Variants in NDC1 observed in about 807,000 individuals in gnomAD.
NDC1 encodes the protein NDC1 transmembrane nucleoporin, also known as nucleoporin NDC1.
A neutral mutation model predicts 89.8 loss-of-function variants in NDC1; 24 were observed. The observed-to-expected ratio is 0.27, with a 90% CI of 0.19 to 0.38. The LOEUF (loss-of-function observed/expected upper bound fraction) is 0.38. NDC1 is among the 10% of genes least tolerant of loss of function. NDC1 has a pLI of 1.00. For synonymous variants in NDC1, 296 were observed against 284.8 expected, an observed-to-expected ratio of 1.04 and a Z score of -0.39; for missense variants, 728 against 797.6, an observed-to-expected ratio of 0.91 and a Z score of 1.05.
At chr1:53,817,701 A>G (rs1343372281) in intron 6 of NDC1, among the ~76,000 whole-genome samples, 2 of 152,206 alleles carry the variant, frequency 1.3e-5, no homozygotes, top group Non-Finnish European at 2.9e-5. Flanking sequence ...TGACAATCAT[A>G]AGAGCTATGT....
chr1:53,803,451 G>A (rs1647990509), intron 10 of NDC1, among the ~76,000 whole-genome samples: 1 of 152,110 alleles, frequency 6.6e-6, no homozygotes, highest in South Asian at 2.1e-4. Flanking sequence ...GGAAATGAAG[G>A]AGCTGAAGGT....
At chr1:53,790,368 AAAAAAAAACCCC>A (rs1192361541) in intron 14 of NDC1, among the ~76,000 whole-genome samples, 1 of 147,900 alleles carries the variant, frequency 6.8e-6, no homozygotes, top group Non-Finnish European at 1.5e-5. Flanking sequence ...TCTGTCTCAA[AAAAAAAAACCCC>A]AAAAAACCAA....
chr1:53,769,832 G>T (rs186829747), intron 17 of NDC1, among the ~76,000 whole-genome samples: 5 of 152,304 alleles, frequency 3.3e-5, no homozygotes, highest in Non-Finnish European at 4.4e-5. Flanking sequence ...GAAAGATTCA[G>T]AAGTTAGGGG....
chr1:53,789,787 G>A (rs1202277214), intron 14 of NDC1, among the ~76,000 whole-genome samples: 17 of 139,764 alleles, frequency 1.2e-4, no homozygotes, highest in Non-Finnish European at 1.8e-4. Flanking sequence ...CAACAAGAGT[G>A]AAACTCCATC....
At chr1:53,785,276 A>G (rs1294384282) in intron 16 of NDC1, among the ~76,000 whole-genome samples, 1 of 152,254 alleles carries the variant, frequency 6.6e-6, no homozygotes, top group South Asian at 2.1e-4. Context: ...AAATAATGTT[A>G]TGACCATCAA....
chr1:53,768,729 G>A (rs75129265), intron 17 of NDC1, among the ~76,000 whole-genome samples: 1 of 152,020 alleles, frequency 6.6e-6, no homozygotes, highest in Non-Finnish European at 1.5e-5. Flanking sequence ...GTGCCAAAAC[G>A]GTCTTATTTT....
intron 15 of NDC1, among the ~76,000 whole-genome samples, chr1:53,788,420 T>C (rs7544308): frequency 0.044 from 6,720 of 151,390 alleles, 421 homozygotes; most frequent in African/African-American, 0.14. Flanking sequence ...ACCTCGTCCC[T>C]ACAAAAAAAA....
intron 2 of NDC1, among the ~76,000 whole-genome samples, chr1:53,832,805 G>A (rs1649108726): frequency 6.6e-6 from 1 of 152,082 alleles, no homozygotes; most frequent in Admixed American, 6.6e-5. Flanking sequence ...ACTAAGCCAG[G>A]GAGCTCAAGA....
chr1:53,771,672 C>T (rs978631033), intron 17 of NDC1, among the ~76,000 whole-genome samples: 6 of 152,136 alleles, frequency 3.9e-5, no homozygotes, highest in African/African-American at 9.7e-5. Flanking sequence ...TGATTGCATA[C>T]AAAAACAGCA....
chr1:53,785,366 CTATT>C (rs1647277916), intron 16 of NDC1, among the ~76,000 whole-genome samples: 1 of 152,100 alleles, frequency 6.6e-6, no homozygotes. Flanking sequence ...TGCTAGGAAA[CTATT>C]TATTTACAGA....
chr1:53,825,862 C>T lies in NDC1; in HGVS notation c.530G>A (p.Gly177Asp). 5.0e-6 allele frequency: 8 copies of T among 1,611,416 alleles called. No homozygotes were observed. The highest frequency in any genetic ancestry group is 6.8e-6 in the Non-Finnish European group (8 of 1,178,934). ...LFFLLTGAFMGYSYSLLYFVN... is the reference protein window; with the variant it reads ...LFFLLTGAFMDYSYSLLYFVN... The stretch of plus-strand genomic sequence containing the variant: ...AAAATACAGGAGGCTATAGCTATAG[C>T]CCATAAATGCTCCAGTCAGTAGGAA... The change falls in exon 5 of 18, where the codon GGC becomes GAC. Residue 177 changes from glycine to aspartate, a missense_variant. Physicochemically the swap from Gly to Asp is moderately conservative, Grantham distance 94 (BLOSUM62 -1). Coordinates refer to ENST00000371429, the MANE Select transcript of NDC1 (RefSeq NM_018087.5).
chr1:53,785,621 G>A (rs1315146820), intron 16 of NDC1, among the ~76,000 whole-genome samples: 1 of 152,090 alleles, frequency 6.6e-6, no homozygotes, highest in African/African-American at 2.4e-5. Flanking sequence ...CACCCAGGCT[G>A]GAGTGCAATG....
intron 13 of NDC1, among the ~76,000 whole-genome samples, chr1:53,794,767 C>T (rs1472787066): frequency 6.6e-6 from 1 of 151,980 alleles, no homozygotes; most frequent in Non-Finnish European, 1.5e-5. Flanking sequence ...CCCAGCTACT[C>T]AGGAGGCTGA....
intron 1 of NDC1, among the ~76,000 whole-genome samples, chr1:53,836,596 A>G (rs1247301613): frequency 6.6e-6 from 1 of 151,998 alleles, no homozygotes; most frequent in Admixed American, 6.6e-5. Context: ...CCCGGGTTCA[A>G]GTGATTCTCC....
intron 16 of NDC1, among the ~76,000 whole-genome samples, chr1:53,786,255 C>T (rs935855264): frequency 6.6e-6 from 1 of 152,038 alleles, no homozygotes; most frequent in Admixed American, 6.6e-5. Context: ...TGCCTCCAGC[C>T]CTTAGTGTTT....
chr1:53,809,661 A>T, intron 7 of NDC1, 34 bp downstream of exon 7: 1 of 1,406,132 alleles, frequency 7.1e-7, no homozygotes, highest in Non-Finnish European at 9.7e-7. Context: ...GAATGGAAAC[A>T]GAGTTAAAAT....
intron 1 of NDC1, among the ~76,000 whole-genome samples, chr1:53,836,217 G>A (rs570946295): frequency 1.3e-4 from 20 of 152,158 alleles, no homozygotes; most frequent in Admixed American, 5.2e-4. Context: ...GTTGGGACAC[G>A]AACCAAACCA....
At chr1:53,805,496 T>C (rs1305947720) in intron 9 of NDC1, among the ~76,000 whole-genome samples, 1 of 152,230 alleles carries the variant, frequency 6.6e-6, no homozygotes, top group Non-Finnish European at 1.5e-5. Flanking sequence ...CAGCCTCTTT[T>C]AGCTCTTTTT....
At chr1:53,791,676 T>C (rs773430684) in intron 14 of NDC1, among the ~76,000 whole-genome samples, 7 of 152,184 alleles carry the variant, frequency 4.6e-5, no homozygotes, top group Non-Finnish European at 8.8e-5. Context: ...ATTTATCATA[T>C]AATAGACCCA....
Sources: gnomAD v4.1 joint callset for allele counts (sites outside exome capture counted in the v4.1 genomes callset) on GRCh38, gnomAD v4.1.1 for gene constraint, MANE v1.5 for transcripts, NCBI Gene and HGNC (gene_info 2026-07-23, HGNC 2026-07-21) for gene names.